Variants in EPHB2 observed in about 807,000 individuals in gnomAD.
EPHB2 encodes the protein EPH receptor B2.
A neutral mutation model predicts 96.4 loss-of-function variants in EPHB2; 18 were observed. The observed-to-expected ratio is 0.19, with a 90% CI of 0.13 to 0.28. The LOEUF (loss-of-function observed/expected upper bound fraction) is 0.28, where lower values mean the gene tolerates loss of function less well. Ranked by LOEUF, EPHB2 falls within the 10% of genes least tolerant of loss-of-function variation. The pLI, the probability that EPHB2 is intolerant of heterozygous loss-of-function variation, is 1.00. For missense variants in EPHB2, 989 were observed against 1,355.4 expected, an observed-to-expected ratio of 0.73 and a Z score of 4.25; for synonymous variants, 506 against 534.1, an observed-to-expected ratio of 0.95 and a Z score of 0.72.
At position 22,892,879 on chromosome 1, in the gene EPHB2, G is replaced by T. The variant is rs200675482; in HGVS notation, c.1429-5G>T. The T allele has an allele frequency of 1.1e-5, 18 of 1,614,140 alleles. 1 individual carries two copies. The South Asian group carries it at 1.9e-4, about 17-fold the overall frequency. The stretch of plus-strand genomic sequence containing the variant: ...TCACTAATTTTCTTCTCTGTTCCTC[G>T]GCAGGAGCTCAGTGAGTACAACGCC... On this transcript the variant is annotated splice_polypyrimidine_tract_variant and splice_region_variant and intron_variant, in intron 6 of 15. Transcript: ENST00000374630.
chr1:22,846,433 AAAAG>A lies in EPHB2; in HGVS notation c.812-16600_812-16597del, dbSNP rs759240052. 0.26 allele frequency among the ~76,000 whole-genome samples: 37,634 copies of A among 146,448 alleles called. 5,462 individuals carry two copies. The highest frequency in any genetic ancestry group is 0.41 in the Middle Eastern group (116 of 284). On this transcript the variant is annotated intron_variant, in intron 3 of 15. Coordinates refer to ENST00000374630, the MANE Select transcript of EPHB2 (RefSeq NM_017449.5). The surrounding 1 kb of genome is among the most constrained non-coding windows in gnomAD (Gnocchi z 4.3). ...TGAGACTCTGTCTCAAAAAAAAAAA[AAAAG>A]AAAAGAAAGTCCTAGGTCAGGGACC...
intron 3 of EPHB2, among the ~76,000 whole-genome samples, chr1:22,817,632 G>A (rs1280294603): frequency 6.6e-6 from 1 of 152,222 alleles, no homozygotes; most frequent in Non-Finnish European, 1.5e-5. Flanking sequence ...CTTTAGCCAA[G>A]AGCTCCTGGA....
intron 3 of EPHB2, among the ~76,000 whole-genome samples, chr1:22,843,061 G>A (rs1013629491): frequency 6.6e-6 from 1 of 152,126 alleles, no homozygotes; most frequent in Admixed American, 6.5e-5. Context: ...TGAGCAATTA[G>A]AACACATGGT....
chr1:22,754,442 G>A (rs1323971796), intron 1 of EPHB2, among the ~76,000 whole-genome samples: 2 of 152,102 alleles, frequency 1.3e-5, no homozygotes, highest in Non-Finnish European at 2.9e-5. Context: ...GGCAGGACAG[G>A]GTGACCATGT....
At chr1:22,863,697 G>C (rs1638359053) in intron 4 of EPHB2, among the ~76,000 whole-genome samples, 1 of 152,152 alleles carries the variant, frequency 6.6e-6, no homozygotes, top group African/African-American at 2.4e-5. Flanking sequence ...CACCCAAAAG[G>C]AGCCCAAGGT....
At chr1:22,841,548 A>G (rs756715381) in intron 3 of EPHB2, among the ~76,000 whole-genome samples, 4 of 152,202 alleles carry the variant, frequency 2.6e-5, no homozygotes, top group Non-Finnish European at 5.9e-5. Flanking sequence ...AGGACAGGGG[A>G]ATAGAGATGG....
chr1:22,910,618 T>TGCCCCAGCCAGGC lies in EPHB2; in HGVS notation c.2696+43_2696+44insGCCCCAGCCAGGC. On this transcript the variant is annotated intron_variant, in intron 14 of 15. Transcript: ENST00000374630. ...CCCTGCCCCAGCCAGGCCCTGCCCC[T>TGCCCCAGCCAGGC]CTTCCCGTCTCCCATCCCTTCTGCC... The TGCCCCAGCCAGGC allele has an allele frequency of 5.0e-6, 8 of 1,605,562 alleles. No individual in the cohort carries two copies. The African/African-American group carries it at 1.1e-4, about 21-fold the overall frequency.
intron 1 of EPHB2, among the ~76,000 whole-genome samples, chr1:22,723,655 T>G (rs1239682718): frequency 6.6e-6 from 1 of 152,246 alleles, no homozygotes; most frequent in Non-Finnish European, 1.5e-5. Context: ...TGCAGAACTG[T>G]GTTCAAATCC....
intron 2 of EPHB2, among the ~76,000 whole-genome samples, chr1:22,782,282 G>A (rs1364937088): frequency 1.3e-5 from 2 of 152,116 alleles, no homozygotes; most frequent in Non-Finnish European, 2.9e-5. Context: ...ACAATGCCTG[G>A]CATAGATTGG....
At chr1:22,802,110 G>A (rs1644852368) in intron 3 of EPHB2, among the ~76,000 whole-genome samples, 2 of 152,278 alleles carry the variant, frequency 1.3e-5, no homozygotes, top group African/African-American at 4.8e-5. Context: ...CAGGCAGAGA[G>A]TGGAGGAGGG....
chr1:22,750,837 A>ACCT (rs1432748131), intron 1 of EPHB2, among the ~76,000 whole-genome samples: 1 of 152,218 alleles, frequency 6.6e-6, no homozygotes, highest in African/African-American at 2.4e-5. Context: ...CAGATGAGTA[A>ACCT]GCTGATACAC....
intron 13 of EPHB2, among the ~76,000 whole-genome samples, chr1:22,909,528 G>T (rs1640024923): frequency 6.6e-6 from 1 of 152,250 alleles, no homozygotes; most frequent in Non-Finnish European, 1.5e-5. Context: ...ATGATCAGGA[G>T]CTTTTACGAT....
At chr1:22,897,741 C>T (rs1305179909) in intron 9 of EPHB2, among the ~76,000 whole-genome samples, 7 of 151,888 alleles carry the variant, frequency 4.6e-5, no homozygotes, top group Admixed American at 6.6e-5. Context: ...GAGCAGAGAT[C>T]GTGCCACTGC....
intron 5 of EPHB2, among the ~76,000 whole-genome samples, chr1:22,876,251 C>G (rs1417026904): frequency 4.6e-5 from 7 of 152,102 alleles, no homozygotes; most frequent in South Asian, 2.1e-4. Flanking sequence ...GGTCGTAGCT[C>G]CGGGTTGTGA....
At chr1:22,734,717 C>T (rs981680247) in intron 1 of EPHB2, among the ~76,000 whole-genome samples, 5 of 152,172 alleles carry the variant, frequency 3.3e-5, no homozygotes, top group South Asian at 4.1e-4. Flanking sequence ...CTACCACTCC[C>T]GGCCTGAATG....
intron 7 of EPHB2, 100 bp from the exon 8 acceptor site, chr1:22,895,372 G>T: frequency 9.1e-7 from 1 of 1,097,768 alleles, no homozygotes; most frequent in South Asian, 1.3e-5. Flanking sequence ...ACAGAGTCTA[G>T]GGATCCCAGG....
chr1:22,741,251 C>T (rs1643898650), intron 1 of EPHB2, among the ~76,000 whole-genome samples: 1 of 152,118 alleles, frequency 6.6e-6, no homozygotes, highest in African/African-American at 2.4e-5. Flanking sequence ...TCCTCTCTCG[C>T]TATGGGGCTG....
rs1050181261 is a variant in EPHB2 at position 22,781,445 on chromosome 1, C to T, written c.86C>T (p.Ala29Val). The change falls in exon 2 of 16, where the codon GCG becomes GTG. Residue 29 changes from alanine to valine, a missense_variant. Physicochemically the swap from Ala to Val is moderately conservative, Grantham distance 64. Coordinates refer to ENST00000374630, the MANE Select transcript of EPHB2 (RefSeq NM_017449.5). ...VEETLMDSTT[A>V]TAELGWMVHP... ...GAAACGCTAATGGACTCCACTACAG[C>T]GACTGCTGAGCTGGGCTGGATGGTG... is the stretch of plus-strand genomic sequence containing the variant. 9.9e-6 allele frequency: 16 copies of T among 1,613,972 alleles called. No individual in the cohort carries two copies. Among genetic ancestry groups the T allele is most frequent in the African/African-American group, 2.7e-5 (2 of 74,894 alleles).
intron 6 of EPHB2, among the ~76,000 whole-genome samples, chr1:22,887,050 G>A (rs1639248914): frequency 6.6e-6 from 1 of 152,130 alleles, no homozygotes; most frequent in Admixed American, 6.6e-5. Flanking sequence ...GCTTACTGGG[G>A]CAAAGGGGTT....
Sources: gnomAD v4.1 joint callset for allele counts (sites outside exome capture counted in the v4.1 genomes callset) on GRCh38, gnomAD v4.1.1 for gene constraint, Gnocchi (gnomAD v3.1) non-coding constraint, MANE v1.5 for transcripts, NCBI Gene and HGNC (gene_info 2026-07-23, HGNC 2026-07-21) for gene names.